Variants in ANKRD31 observed in about 807,000 individuals in gnomAD.
ANKRD31 encodes ankyrin repeat domain 31, also known as ankyrin repeat domain-containing protein 31.
In ANKRD31, 147 loss-of-function variants were observed where a neutral mutation model predicts 186.0. That is an observed-to-expected ratio of 0.79 (90% CI 0.69 to 0.91). The LOEUF (loss-of-function observed/expected upper bound fraction) is 0.91. Ranked by LOEUF, ANKRD31 falls within the 40% of genes least tolerant of loss-of-function variation. ANKRD31 has a pLI of 0.00. For synonymous variants in ANKRD31, 673 were observed against 736.4 expected (o/e 0.91, Z 1.39); for missense variants, 1,986 against 2,148.8 (o/e 0.92, Z 1.50).
chr5:75,236,185 G>A (rs75075013), intron 1 of ANKRD31, among the ~76,000 whole-genome samples: 3,733 of 152,254 alleles, frequency 0.025, 141 homozygotes, highest in African/African-American at 0.085. Flanking sequence ...TTCTTTTCTT[G>A]AGAGAAACTG....
chr5:75,166,428 G>A (rs1378536843), intron 11 of ANKRD31, among the ~76,000 whole-genome samples: 5 of 152,074 alleles, frequency 3.3e-5, no homozygotes, highest in Non-Finnish European at 7.4e-5. Context: ...CCGAGATCAC[G>A]CCACTACACT....
chr5:75,214,188 C>T, intron 3 of ANKRD31, among the ~76,000 whole-genome samples: 1 of 152,200 alleles, frequency 6.6e-6, no homozygotes, highest in East Asian at 1.9e-4. Flanking sequence ...TAAATGTTGA[C>T]ATCCACTCAC....
chr5:75,111,154 G>A (rs1320696943), intron 20 of ANKRD31, among the ~76,000 whole-genome samples: 1 of 150,758 alleles, frequency 6.6e-6, no homozygotes, highest in African/African-American at 2.4e-5. Flanking sequence ...TCAAAACTAT[G>A]TTTTTAAGAG....
intron 10 of ANKRD31, among the ~76,000 whole-genome samples, chr5:75,187,167 T>C (rs1434900199): frequency 4.1e-5 from 6 of 145,110 alleles, no homozygotes; most frequent in Non-Finnish European, 9.0e-5. Flanking sequence ...GGTGAAATGA[T>C]GGTTGCATTT....
At chr5:75,072,636 A>C (rs916078202) in intron 25 of ANKRD31, among the ~76,000 whole-genome samples, 4 of 152,148 alleles carry the variant, frequency 2.6e-5, no homozygotes, top group Non-Finnish European at 5.9e-5. Context: ...CATAATACAG[A>C]ACTTTTGAAC....
intron 3 of ANKRD31, among the ~76,000 whole-genome samples, chr5:75,217,836 G>A (rs1757052384): frequency 6.6e-6 from 1 of 152,104 alleles, no homozygotes; most frequent in Non-Finnish European, 1.5e-5. Context: ...TGTTTGTGTG[G>A]TTGCTTTATA....
chr5:75,098,629 C>A (rs1357354385), intron 22 of ANKRD31, among the ~76,000 whole-genome samples: 1 of 152,076 alleles, frequency 6.6e-6, no homozygotes, highest in African/African-American at 2.4e-5. Context: ...TGTAGTTCTC[C>A]TTGAAGATGT....
intron 21 of ANKRD31, among the ~76,000 whole-genome samples, chr5:75,105,573 C>T (rs1283257144): frequency 1.3e-5 from 2 of 152,046 alleles, no homozygotes; most frequent in East Asian, 1.9e-4. Context: ...TCTATTTAGT[C>T]GTTGGTTGGA....
chr5:75,100,172 TG>T (rs779245932), intron 22 of ANKRD31, among the ~76,000 whole-genome samples: 4 of 152,176 alleles, frequency 2.6e-5, no homozygotes, highest in Non-Finnish European at 4.4e-5. Context: ...GCCTTCATTT[TG>T]TTATGTACCC....
chr5:75,099,143 A>G (rs75392670), intron 22 of ANKRD31, among the ~76,000 whole-genome samples: 79,564 of 152,014 alleles, frequency 0.52, 24,668 homozygotes, highest in African/African-American at 0.88. Context: ...AGCATGAAGT[A>G]TTGTTGACTT....
chr5:75,084,455 T>G, intron 23 of ANKRD31, 81 bp from the exon 24 acceptor site: 2 of 1,096,370 alleles, frequency 1.8e-6, no homozygotes, highest in Non-Finnish European at 2.7e-6. Context: ...CATTGTAATT[T>G]TTATAAGGTT....
intron 17 of ANKRD31, among the ~76,000 whole-genome samples, chr5:75,128,848 TA>T (rs1212985757): frequency 6.6e-6 from 1 of 152,074 alleles, no homozygotes; most frequent in Non-Finnish European, 1.5e-5. Context: ...TTTCCCTCTA[TA>T]AAAAACCAGC....
intron 18 of ANKRD31, 151 bp downstream of exon 18, chr5:75,117,984 A>G (rs1748433152): frequency 3.3e-6 from 2 of 605,594 alleles, no homozygotes; most frequent in Non-Finnish European, 4.8e-6. Flanking sequence ...GTAAATGCCA[A>G]TTTCTAAAAA....
chr5:75,136,535 G>A (rs1450473353), intron 17 of ANKRD31, among the ~76,000 whole-genome samples: 4 of 152,206 alleles, frequency 2.6e-5, no homozygotes, highest in Admixed American at 6.5e-5. Flanking sequence ...AGAGGGTGTG[G>A]AGAAATAGGA....
chr5:75,104,040 A>G (rs1050331570), intron 22 of ANKRD31, among the ~76,000 whole-genome samples, 188 bp downstream of exon 22: 12 of 152,196 alleles, frequency 7.9e-5, no homozygotes, highest in Non-Finnish European at 1.3e-4. Flanking sequence ...ATAAAAATAA[A>G]TGTATCAGGG....
chr5:75,072,353 C>CT (rs78046164), intron 25 of ANKRD31, among the ~76,000 whole-genome samples: 27,891 of 148,580 alleles, frequency 0.19, 2,880 homozygotes, highest in South Asian at 0.4. Context: ...CTAGGAAGCC[C>CT]TTTTTTTTTT....
intron 19 of ANKRD31, among the ~76,000 whole-genome samples, chr5:75,114,495 T>G (rs1748039736): frequency 6.6e-6 from 1 of 152,188 alleles, no homozygotes; most frequent in South Asian, 2.1e-4. Flanking sequence ...ATTGATTTTG[T>G]ATCCTGAGAC....
At chr5:75,177,825 C>T (rs1204825775) in intron 10 of ANKRD31, among the ~76,000 whole-genome samples, 1 of 152,170 alleles carries the variant, frequency 6.6e-6, no homozygotes, top group Non-Finnish European at 1.5e-5. Context: ...ACTGCATCAA[C>T]TAACGAGCAA....
intron 10 of ANKRD31, among the ~76,000 whole-genome samples, chr5:75,185,374 A>G (rs1580512499): frequency 6.6e-6 from 1 of 152,180 alleles, no homozygotes; most frequent in African/African-American, 2.4e-5. Flanking sequence ...CCTGGCCAAC[A>G]TGGTGAAACC....
Sources: allele counts gnomAD v4.1 joint callset (sites outside exome capture counted in the v4.1 genomes callset), GRCh38; gene constraint gnomAD v4.1.1; transcripts MANE v1.5; gene names NCBI Gene and HGNC (gene_info 2026-07-23, HGNC 2026-07-21).